The following CHSY3 variants were observed in gnomAD, a reference collection of about 807,000 sequenced individuals.
CHSY3 encodes the protein N-acetylgalactosaminyl-proteoglycan 3-beta-glucuronosyltransferase 3.
In CHSY3, 35 loss-of-function variants were observed where a neutral mutation model predicts 67.2. The observed-to-expected ratio is 0.52, with a 90% CI of 0.40 to 0.69. The LOEUF (loss-of-function observed/expected upper bound fraction) is 0.69. CHSY3 is among the 30% of genes least tolerant of loss of function. The probability of loss-of-function intolerance (pLI) is 0.00; values close to 1 mark genes in which losing one functional copy is unlikely to be tolerated. For missense variants in CHSY3, 1,069 were observed against 1,138.5 expected, an observed-to-expected ratio of 0.94 and a Z score of 0.88; for synonymous variants, 474 against 434.7, an observed-to-expected ratio of 1.09 and a Z score of -1.12.
chr5:129,907,958 T>C, intron 1 of CHSY3, 119 bp from the exon 2 acceptor site: 1 of 1,450,774 alleles, frequency 6.9e-7, no homozygotes, highest in Non-Finnish European at 9.1e-7. Flanking sequence ...TTTTCTTCTT[T>C]TCAGTTGTGT....
chr5:130,157,758 A>AAAGAATGGCCACTCCATAGG (rs71000952), intron 2 of CHSY3, among the ~76,000 whole-genome samples: 1 of 152,130 alleles, frequency 6.6e-6, no homozygotes, highest in Non-Finnish European at 1.5e-5. Flanking sequence ...TAAAGAAATA[A>AAAGAATGGCCACTCCATAGG]CTGAGCAGTG....
chr5:129,950,171 A>G (rs1293900326), intron 2 of CHSY3, among the ~76,000 whole-genome samples: 5 of 150,118 alleles, frequency 3.3e-5, no homozygotes, highest in Non-Finnish European at 5.9e-5. Flanking sequence ...CATCTCAAAA[A>G]AAAAAAAAAA....
intron 2 of CHSY3, among the ~76,000 whole-genome samples, chr5:130,171,076 C>T (rs1769883050): frequency 6.6e-6 from 1 of 152,026 alleles, no homozygotes; most frequent in Admixed American, 6.6e-5. Flanking sequence ...TTCTTTACCT[C>T]CTCTTTGTAA....
chr5:129,905,167 G>C lies in CHSY3; in HGVS notation c.338G>C (p.Arg113Pro). 1 of 1,525,746 alleles carries C rather than the reference G, an allele frequency of 6.6e-7. No homozygotes were observed. The highest frequency in any genetic ancestry group is 2.5e-5 in the East Asian group (1 of 39,764). 94.5% of individuals were successfully genotyped at this position (1,525,746 alleles called of 1,614,324 possible). A position where few individuals can be genotyped will look rare whatever the true frequency, so the allele number is the denominator to read the frequency against. The change falls in exon 1 of 3, where the codon CGG becomes CCG. Residue 113 changes from arginine to proline, a missense_variant. Coordinates refer to ENST00000305031, the MANE Select transcript of CHSY3 (RefSeq NM_175856.5). ...WQQPPPLQQR[R>P]RGREPEGATG... The stretch of plus-strand genomic sequence containing the variant: ...CAGCCACCTCCGCTGCAGCAGCGGC[G>C]GCGAGGACGCGAGCCTGAGGGCGCG...
chr5:130,169,841 A>G (rs1437669935), intron 2 of CHSY3, among the ~76,000 whole-genome samples: 1 of 152,088 alleles, frequency 6.6e-6, no homozygotes, highest in African/African-American at 2.4e-5. Flanking sequence ...TTTTTATCTG[A>G]AAGGGAGGTA....
chr5:129,981,303 TTGTC>T (rs1233782000), intron 2 of CHSY3, among the ~76,000 whole-genome samples: 3 of 152,054 alleles, frequency 2.0e-5, no homozygotes, highest in African/African-American at 4.8e-5. Context: ...TCTGTAATAT[TTGTC>T]TGTTCTGCTG....
rs531043985 is a variant in CHSY3 at position 130,185,206 on chromosome 5, G to A, written c.2064G>A (p.Leu688=). Residue 688 remains leucine, a synonymous_variant, in exon 3 of 3, where the codon CTG becomes CTA. Coordinates refer to ENST00000305031, the MANE Select transcript of CHSY3 (RefSeq NM_175856.5). ...QNKYPKAEMT[L]IPMKGEFSRG... is the part of the protein sequence containing the mutation. ...AGTACCCCAAAGCAGAAATGACCCTGATCCCAATGAAGGGAGAGTTTTCCA... is the reference window on the plus strand; with the variant it reads ...AGTACCCCAAAGCAGAAATGACCCTAATCCCAATGAAGGGAGAGTTTTCCA... 7.5e-6 allele frequency: 12 copies of A among 1,609,912 alleles called. No individual in the cohort carries two copies. Among genetic ancestry groups the A allele is most frequent in the Non-Finnish European group, 9.4e-6 (11 of 1,176,254 alleles).
intron 2 of CHSY3, among the ~76,000 whole-genome samples, chr5:130,120,788 G>A (rs1470413873): frequency 6.6e-6 from 1 of 152,170 alleles, no homozygotes; most frequent in East Asian, 1.9e-4. Context: ...GAAGGAGTGA[G>A]GGAGGGAGAA....
At chr5:130,145,060 C>T (rs1054060301) in intron 2 of CHSY3, among the ~76,000 whole-genome samples, 1 of 152,150 alleles carries the variant, frequency 6.6e-6, no homozygotes, top group Non-Finnish European at 1.5e-5. Flanking sequence ...TGAGAACCCA[C>T]TCACTATCAT....
chr5:130,177,170 T>G (rs1041880740), intron 2 of CHSY3, among the ~76,000 whole-genome samples: 4 of 147,558 alleles, frequency 2.7e-5, no homozygotes, highest in Non-Finnish European at 5.9e-5. Flanking sequence ...ATAATAATTT[T>G]TCATACATAT....
intron 2 of CHSY3, among the ~76,000 whole-genome samples, chr5:130,118,863 G>A (rs1241370437): frequency 6.6e-6 from 1 of 151,982 alleles, no homozygotes; most frequent in Non-Finnish European, 1.5e-5. Flanking sequence ...TGATAATTCT[G>A]CCAAATTTTC....
intron 2 of CHSY3, among the ~76,000 whole-genome samples, chr5:129,930,888 G>A (rs10463862): frequency 0.59 from 88,888 of 151,932 alleles, 26,226 homozygotes; most frequent in African/African-American, 0.67. Context: ...CTGGGAACAC[G>A]TAGGTAACTA....
intron 2 of CHSY3, among the ~76,000 whole-genome samples, chr5:130,162,272 A>T (rs187379978): frequency 1.6e-4 from 25 of 152,090 alleles, no homozygotes; most frequent in Non-Finnish European, 3.4e-4. Flanking sequence ...ATAATGTATG[A>T]TATATAAATA....
In CHSY3 at chr5:129,905,608, C is replaced by T; in HGVS notation, c.779C>T (p.Ala260Val). Residue 260 changes from alanine (A) to valine (V), a missense_variant, in exon 1 of 3, where the codon GCC becomes GTC. Around this residue, in one of 5 missense-constraint regions of CHSY3, gnomAD observed 216 missense variants for 311.5 expected, o/e 0.69. Coordinates refer to ENST00000305031, the MANE Select transcript of CHSY3 (RefSeq NM_175856.5). ...YLDKYEWFMR[A>V]DDDVYIKGDK... ...GACAAGTATGAGTGGTTCATGCGCG[C>T]CGACGACGATGTCTACATCAAAGGT... 6.2e-7 allele frequency: 1 copy of T among 1,613,690 alleles called. No individual in the cohort carries two copies. The highest frequency in any genetic ancestry group is 8.5e-7 in the Non-Finnish European group (1 of 1,179,990).
At chr5:130,142,478 C>A (rs551265599) in intron 2 of CHSY3, among the ~76,000 whole-genome samples, 1 of 152,054 alleles carries the variant, frequency 6.6e-6, no homozygotes, top group Non-Finnish European at 1.5e-5. Context: ...TTTTAGCTAA[C>A]AAAGAAATAG....
chr5:130,113,936 C>A (rs1386657728), intron 2 of CHSY3, among the ~76,000 whole-genome samples: 1 of 152,210 alleles, frequency 6.6e-6, no homozygotes, highest in Non-Finnish European at 1.5e-5. Context: ...TCATTGCCAC[C>A]ATGAGAACTA....
chr5:130,020,461 ATTTTTTTTT>A lies in CHSY3; in HGVS notation c.1086+112111_1086+112119del, dbSNP rs1196155924. ...TATATATATATATATATATATATAT[ATTTTTTTTT>A]TTTTTTTTTCCTCTGGCTCCTCCAC... On this transcript the variant is annotated intron_variant, in intron 2 of 2. Coordinates refer to ENST00000305031, the MANE Select transcript of CHSY3 (RefSeq NM_175856.5). Among the ~76,000 whole-genome samples the A allele has an allele frequency of 1.6e-3, 124 of 79,852 alleles. 2 individuals carry two copies. The highest frequency in any genetic ancestry group is 7.3e-3 in the African/African-American group (119 of 16,384). 52.4% of individuals were successfully genotyped at this position (79,852 alleles called of 152,430 possible).
intron 2 of CHSY3, among the ~76,000 whole-genome samples, chr5:130,024,554 C>T (rs748673756): frequency 1.3e-4 from 20 of 152,006 alleles, no homozygotes; most frequent in Non-Finnish European, 1.9e-4. Context: ...CTGTTTTAAC[C>T]CCTATTAAGG....
rs142362548 is a variant in CHSY3 at position 130,185,252 on chromosome 5, G to T, written c.2110G>T (p.Ala704Ser). 6 of 1,605,996 alleles carry T rather than the reference G, an allele frequency of 3.7e-6. No homozygotes were observed. In the African/African-American group the frequency reaches 4.0e-5, roughly 11 times the overall value. The change falls in exon 3 of 3, where the codon GCT (alanine) becomes TCT (serine). Residue 704 changes from alanine (A) to serine (S), a missense_variant. Physicochemically the swap from Ala to Ser is moderately conservative, Grantham distance 99. Transcript: ENST00000305031. ...TTCCAGAGGTCTTGGTCTTGAAATG[G>T]CTTCTGCCCAGTTTGACAATGACAC... is the stretch of plus-strand genomic sequence containing the variant. ...EFSRGLGLEM[A>S]SAQFDNDTLL...
Sources: gnomAD v4.1 joint callset for allele counts (sites outside exome capture counted in the v4.1 genomes callset) on GRCh38, gnomAD v4.1.1 for gene constraint, gnomAD v4.1.1 regional missense constraint, MANE v1.5 for transcripts, NCBI Gene and HGNC (gene_info 2026-07-23, HGNC 2026-07-21) for gene names.